The following CEP41 variants were observed in gnomAD, a reference collection of about 807,000 sequenced individuals.
The protein encoded by CEP41 is centrosomal protein of 41 kDa.
CEP41 carries 32 observed loss-of-function variants against 44.3 expected under a neutral mutation model. The ratio of observed to expected loss-of-function variants is 0.72; its 90% CI spans 0.54 to 0.97. The LOEUF (loss-of-function observed/expected upper bound fraction) is 0.97. CEP41 is among the 50% of genes least tolerant of loss of function. The pLI is 0.00. For synonymous variants in CEP41, 151 were observed against 168.5 expected, an observed-to-expected ratio of 0.90 and a Z score of 0.80; for missense variants, 432 against 455.2, an observed-to-expected ratio of 0.95 and a Z score of 0.46.
At chr7:130,399,096 G>A in intron 10 of CEP41, 57 bp from the exon 11 acceptor site, 1 of 1,598,082 alleles carries the variant, frequency 6.3e-7, no homozygotes, top group Non-Finnish European at 8.5e-7. Context: ...GGGACAATCT[G>A]CCAAGTACAG....
intron 3 of CEP41, among the ~76,000 whole-genome samples, chr7:130,416,148 G>A (rs1304572256): frequency 1.3e-5 from 2 of 152,214 alleles, no homozygotes; most frequent in Non-Finnish European, 2.9e-5. Flanking sequence ...CATTACCAGA[G>A]CCAAGTCCTG....
At position 130,395,676 on chromosome 7, in the gene CEP41, A is replaced by G. The variant is rs1416645822; in HGVS notation, c.*3215T>C. 6.6e-6 allele frequency: 3 copies of G among 453,766 alleles called. No individual in the cohort carries two copies. In the East Asian group the frequency reaches 2.1e-4, roughly 31 times the overall value. The allele number at this position is 453,766 out of a possible 1,614,324, so 28.1% of individuals were successfully genotyped here. A position where few individuals can be genotyped will look rare whatever the true frequency, so the allele number is the denominator to read the frequency against. On this transcript the variant is annotated 3_prime_UTR_variant, in exon 11 of 11. Coordinates refer to ENST00000223208, the MANE Select transcript of CEP41 (RefSeq NM_018718.3). ...AGGACTCTGATTTCACTTACATTCC[A>G]CAAGGGAATTAGAGAAAACACGATT... is the stretch of plus-strand genomic sequence containing the variant.
In CEP41 at chr7:130,397,741, T is replaced by A; in HGVS notation, c.*1150A>T. 1 of 452,678 alleles carries A rather than the reference T, an allele frequency of 2.2e-6. No homozygotes were observed. Among genetic ancestry groups the A allele is most frequent in the Non-Finnish European group, 4.4e-6 (1 of 225,916 alleles). The allele number at this position is 452,678 out of a possible 1,614,324, so 28.0% of individuals were successfully genotyped here. Reference sequence around the variant, plus strand: ...GATTTCAGAGTTCCTCATCCTTACCTGAGGCCTTTTGTTCCCCCAATTAAA... The same window carrying A: ...GATTTCAGAGTTCCTCATCCTTACCAGAGGCCTTTTGTTCCCCCAATTAAA... On this transcript the variant is annotated 3_prime_UTR_variant, in exon 11 of 11. Transcript: ENST00000223208.
intron 4 of CEP41, among the ~76,000 whole-genome samples, chr7:130,411,640 T>C (rs2058911): frequency 0.19 from 28,360 of 152,204 alleles, 2,775 homozygotes; most frequent in Middle Eastern, 0.26. Context: ...CAGTATTCAT[T>C]TTTAAAGCAC....
chr7:130,422,584 GTAAGTCACAAAAATGCACAGAAATA>G (rs1797541347), intron 2 of CEP41, among the ~76,000 whole-genome samples: 1 of 152,074 alleles, frequency 6.6e-6, no homozygotes. Context: ...ACACAGGGAG[GTAAGTCACAAAAATGCACAGAAATA>G]TAAGCATTAA....
chr7:130,434,859 T>C (rs984519471), intron 1 of CEP41, among the ~76,000 whole-genome samples: 18 of 152,244 alleles, frequency 1.2e-4, no homozygotes, highest in African/African-American at 3.4e-4. Flanking sequence ...AGAACCAAAA[T>C]TGGCTATAAC....
rs536389218 is a variant in CEP41 at position 130,427,746 on chromosome 7, T to C, written c.97+209A>G. Among the ~76,000 whole-genome samples, 3 of 152,320 alleles carry C rather than the reference T, an allele frequency of 2.0e-5. No homozygotes were observed. In the East Asian group the frequency reaches 5.8e-4, roughly 29 times the overall value. ...TCAGTTTATATTATTTCTTATGTGG[T>C]AAGGAATAATAAGCTAAATTATGTA... On this transcript the variant is annotated intron_variant, in intron 2 of 10. Transcript: ENST00000223208.
At chr7:130,432,664 G>C (rs1038711630) in intron 1 of CEP41, among the ~76,000 whole-genome samples, 31 of 151,926 alleles carry the variant, frequency 2.0e-4, no homozygotes, top group Non-Finnish European at 4.3e-4. Context: ...TCGAGAGGCT[G>C]GGGTGGGAAG....
chr7:130,428,222 G>A (rs965655622), intron 1 of CEP41, among the ~76,000 whole-genome samples: 6 of 151,938 alleles, frequency 3.9e-5, no homozygotes, highest in East Asian at 1.9e-4. Flanking sequence ...TCAGGAGTTC[G>A]AGGTCAGCCT....
In CEP41 at chr7:130,415,682, T is replaced by G. The variant is rs782773856; in HGVS notation, c.145+1237A>C. Among the ~76,000 whole-genome samples the G allele has an allele frequency of 7.3e-4, 111 of 152,130 alleles. 2 individuals are homozygous for G. The highest frequency in any genetic ancestry group is 1.4e-3 in the Non-Finnish European group (97 of 68,034). ...AAATTTCTAGTGAGGACATGTGAAC[T>G]CACACTCAGCTGCAAATGGATGAGA... On this transcript the variant is annotated intron_variant, in intron 3 of 10. Transcript: ENST00000223208.
chr7:130,436,643 A>ACATAGGACTTCTTTGTACT (rs1797973727), intron 1 of CEP41, among the ~76,000 whole-genome samples: 2 of 114,558 alleles, frequency 1.7e-5, no homozygotes, highest in Non-Finnish European at 3.8e-5. Flanking sequence ...TCTTTGTACT[A>ACATAGGACTTCTTTGTACT]TTTTTTTTTT....
chr7:130,428,132 T>C (rs1554424169), intron 1 of CEP41, 114 bp from the exon 2 acceptor site: 3 of 759,086 alleles, frequency 4.0e-6, no homozygotes, highest in South Asian at 2.9e-5. Flanking sequence ...TTCTTAGAAA[T>C]TAAAGATGGT....
intron 7 of CEP41, among the ~76,000 whole-genome samples, 176 bp from the exon 8 acceptor site, chr7:130,402,124 G>A (rs993139808): frequency 2.0e-5 from 3 of 152,054 alleles, no homozygotes; most frequent in African/African-American, 4.8e-5. Flanking sequence ...TGGGTGGACC[G>A]CTTGAGTCCA....
chr7:130,432,937 A>C (rs73152891), intron 1 of CEP41, among the ~76,000 whole-genome samples: 3,045 of 152,290 alleles, frequency 0.02, 35 homozygotes, highest in Non-Finnish European at 0.031. Context: ...AAAAACCCCA[A>C]CATTTAAGGT....
intron 3 of CEP41, among the ~76,000 whole-genome samples, chr7:130,413,918 T>C (rs1441709484): frequency 3.3e-5 from 5 of 152,210 alleles, no homozygotes; most frequent in African/African-American, 1.2e-4. Context: ...TATTTCAGAA[T>C]TATTAAAGGT....
chr7:130,434,991 GA>G (rs1403869802), intron 1 of CEP41, among the ~76,000 whole-genome samples: 6 of 152,034 alleles, frequency 3.9e-5, no homozygotes, highest in African/African-American at 1.4e-4. Flanking sequence ...ACTTAGGTAA[GA>G]GTTAAAAGGA....
At position 130,402,813 on chromosome 7, in the gene CEP41, A is replaced by C; in HGVS notation, c.423-14T>G. On this transcript the variant is annotated splice_polypyrimidine_tract_variant and intron_variant, in intron 6 of 10. Coordinates refer to ENST00000223208, the MANE Select transcript of CEP41 (RefSeq NM_018718.3). ...CCACTGATGACACTGCAAGTGAAAA[A>C]GTAGGTCAGCAGAAACTAGTCAGAG... The C allele has an allele frequency of 6.2e-7, 1 of 1,614,078 alleles. No homozygotes were observed. The highest frequency in any genetic ancestry group is 1.7e-4 in the Middle Eastern group (1 of 6,060).
At chr7:130,430,560 A>G (rs2117686787) in intron 1 of CEP41, among the ~76,000 whole-genome samples, 1 of 152,368 alleles carries the variant, frequency 6.6e-6, no homozygotes, top group South Asian at 2.1e-4. Context: ...ATTCTTTAGT[A>G]AAAGAAGGAA....
chr7:130,411,275 C>A (rs1797175765), intron 4 of CEP41, 84 bp from the exon 5 acceptor site: 2 of 1,036,234 alleles, frequency 1.9e-6, no homozygotes, highest in Non-Finnish European at 3.0e-6. Context: ...GACGAGGGAA[C>A]AACAAACATC....
Sources: gnomAD v4.1 joint callset for allele counts (sites outside exome capture counted in the v4.1 genomes callset) on GRCh38, gnomAD v4.1.1 for gene constraint, MANE v1.5 for transcripts, NCBI Gene and HGNC (gene_info 2026-07-23, HGNC 2026-07-21) for gene names.